The following WDR83OS variants were observed in gnomAD, a reference collection of about 807,000 sequenced individuals.
WDR83OS encodes the protein PAT complex subunit Asterix.
A neutral mutation model predicts 13.7 loss-of-function variants in WDR83OS; 15 were observed. The observed-to-expected ratio is 1.09, with a 90% CI of 0.73 to 1.69. WDR83OS has a LOEUF of 1.69. WDR83OS is among the 40% of genes most tolerant of loss of function. The pLI is 0.00. For missense variants in WDR83OS, 145 were observed against 143.2 expected (o/e 1.01, Z -0.06); for synonymous variants, 68 against 52.9 (o/e 1.29, Z -1.24).
At position 12,668,154 on chromosome 19, in the gene WDR83OS, A is replaced by T; in HGVS notation, c.*205T>A. On this transcript the variant is annotated 3_prime_UTR_variant, in exon 4 of 4. Coordinates refer to ENST00000596731, the MANE Select transcript of WDR83OS (RefSeq NM_016145.4). ...TAGAAACATGGACAGCATCTCCCCC[A>T]GCAGCAGGCAGGGGAAGGGAGGCAG... 2 of 575,162 alleles carry T rather than the reference A, an allele frequency of 3.5e-6. No homozygotes were observed. The highest frequency in any genetic ancestry group is 6.2e-6 in the Non-Finnish European group (2 of 320,478). 35.6% of individuals were successfully genotyped at this position (575,162 alleles called of 1,614,324 possible).
chr19:12,668,126 C>T lies in WDR83OS; in HGVS notation c.*233G>A, dbSNP rs1003915148. ...TTTCAACGAGAAAGCAAATGAATAC[C>T]CCTAGAAACATGGACAGCATCTCCC... On this transcript the variant is annotated 3_prime_UTR_variant, in exon 4 of 4. Coordinates refer to ENST00000596731, the MANE Select transcript of WDR83OS (RefSeq NM_016145.4). The T allele has an allele frequency of 2.1e-5, 11 of 528,526 alleles. No homozygotes were observed. Among genetic ancestry groups the T allele is most frequent in the African/African-American group, 1.7e-4 (9 of 52,128 alleles). The allele number at this position is 528,526 out of a possible 1,614,324, so 32.7% of individuals were successfully genotyped here.
At chr19:12,668,673 G>A (rs1345916563) in intron 2 of WDR83OS, 56 bp from the exon 3 acceptor site, 11 of 1,443,898 alleles carry the variant, frequency 7.6e-6, no homozygotes, top group Non-Finnish European at 1.1e-5. Context: ...ATGAGTCCCC[G>A]AAGCCACCTT....
chr19:12,668,680 C>A lies in WDR83OS; in HGVS notation c.157-63G>T, dbSNP rs960415695. On this transcript the variant is annotated intron_variant, in intron 2 of 3. Transcript: ENST00000596731. ...GCACAACAATGAGTCCCCGAAGCCA[C>A]CTTTCCAGACACCAGATCATGCCCA... The A allele has an allele frequency of 1.3e-5, 17 of 1,358,852 alleles. No homozygotes were observed. In the African/African-American group the frequency reaches 2.0e-4, roughly 16 times the overall value. 84.2% of individuals were successfully genotyped at this position (1,358,852 alleles called of 1,614,324 possible).
chr19:12,668,462 G>A (rs749901261), intron 3 of WDR83OS, 37 bp from the exon 4 acceptor site: 5 of 1,613,336 alleles, frequency 3.1e-6, no homozygotes, highest in South Asian at 1.1e-5. Flanking sequence ...AGGATGGCCA[G>A]GCTGGGGTCC....
At chr19:12,668,479 C>G in intron 3 of WDR83OS, 41 bp downstream of exon 3, 1 of 1,613,466 alleles carries the variant, frequency 6.2e-7, no homozygotes, top group Non-Finnish European at 8.5e-7. Flanking sequence ...GTCCCCCCAC[C>G]CCTTACTCAA....
At chr19:12,668,673 G>T in intron 2 of WDR83OS, 56 bp from the exon 3 acceptor site, 1 of 1,443,900 alleles carries the variant, frequency 6.9e-7, no homozygotes, top group Non-Finnish European at 9.7e-7. Context: ...ATGAGTCCCC[G>T]AAGCCACCTT....
intron 2 of WDR83OS, 92 bp downstream of exon 2, chr19:12,669,036 A>C: frequency 7.6e-7 from 1 of 1,318,510 alleles, no homozygotes; most frequent in South Asian, 1.2e-5. Context: ...CCGCCCCATC[A>C]GCAATGACAA....
chr19:12,668,663 A>G lies in WDR83OS; in HGVS notation c.157-46T>C, dbSNP rs756716574. ...GGGCAGGTTAGTGAAAGGCACAACA[A>G]TGAGTCCCCGAAGCCACCTTTCCAG... On this transcript the variant is annotated intron_variant, in intron 2 of 3. Coordinates refer to ENST00000596731, the MANE Select transcript of WDR83OS (RefSeq NM_016145.4). 8 of 1,528,652 alleles carry G rather than the reference A, an allele frequency of 5.2e-6. No individual in the cohort carries two copies. The Admixed American group carries it at 1.0e-4, about 20-fold the overall frequency. 94.7% of individuals were successfully genotyped at this position (1,528,652 alleles called of 1,614,324 possible). A position where few individuals can be genotyped will look rare whatever the true frequency, so the allele number is the denominator to read the frequency against.
At position 12,668,382 on chromosome 19, in the gene WDR83OS, G is replaced by T. The variant is rs773514362; in HGVS notation, c.298C>A (p.Gln100Lys). ...AVVMSYLQNP[Q>K]PMTPPW ...TATCACCATGGGGGCGTCATGGGCT[G>T]AGGATTCTGCAGATAGGACATCACC... Residue 100 changes from glutamine (Q) to lysine (K), a missense_variant, in exon 4 of 4, where the codon CAG (glutamine) becomes AAG (lysine). Transcript: ENST00000596731. 6.2e-7 allele frequency: 1 copy of T among 1,613,452 alleles called. No homozygotes were observed. The highest frequency in any genetic ancestry group is 8.5e-7 in the Non-Finnish European group (1 of 1,179,762).
Position 12,669,190 on chromosome 19 carries a change from G to A in WDR83OS, c.94C>T (p.Pro32Ser). The A allele has an allele frequency of 1.9e-6, 3 of 1,614,132 alleles. No homozygotes were observed. The highest frequency in any genetic ancestry group is 1.7e-6 in the Non-Finnish European group (2 of 1,180,038). Reference protein sequence around the residue: ...PSECNPALDDPTPDYMNLLGM... With the variant: ...PSECNPALDDSTPDYMNLLGM... ...AGCAGGTTCATGTAGTCCGGCGTCGGGTCGTCCAAGGCCGGGTTACATTCG... is the reference window on the plus strand; with the variant it reads ...AGCAGGTTCATGTAGTCCGGCGTCGAGTCGTCCAAGGCCGGGTTACATTCG... The change falls in exon 2 of 4, where the codon CCG becomes TCG. Residue 32 changes from proline (P) to serine (S), a missense_variant. Coordinates refer to ENST00000596731, the MANE Select transcript of WDR83OS (RefSeq NM_016145.4).
chr19:12,669,074 C>T, intron 2 of WDR83OS, 54 bp downstream of exon 2: 1 of 1,581,726 alleles, frequency 6.3e-7, no homozygotes, highest in Non-Finnish European at 8.7e-7. Context: ...CAAACCCGCC[C>T]CCGGGCCTCG....
intron 2 of WDR83OS, 139 bp from the exon 3 acceptor site, chr19:12,668,756 T>C: frequency 1.4e-6 from 1 of 713,838 alleles, no homozygotes. Flanking sequence ...AATTCCTCAG[T>C]CCCACCTGCT....
Position 12,669,383 on chromosome 19 carries a change from C to A in WDR83OS, c.21G>T (p.Ser7=). 6.2e-7 allele frequency: 1 copy of A among 1,601,158 alleles called. No homozygotes were observed. Among genetic ancestry groups the A allele is most frequent in the Non-Finnish European group, 8.5e-7 (1 of 1,173,386 alleles). The change falls in exon 1 of 4, where the codon TCG becomes TCT. Residue 7 remains serine, a synonymous_variant. Coordinates refer to ENST00000596731, the MANE Select transcript of WDR83OS (RefSeq NM_016145.4). The part of the protein sequence containing the change: MSTNNM[S]DPRRPNKVLR... Reference sequence around the variant, plus strand: ...GCACTTTGTTCGGCCTCCGTGGGTCCGACATATTGTTAGTGGACATAGCGA... The same window carrying A: ...GCACTTTGTTCGGCCTCCGTGGGTCAGACATATTGTTAGTGGACATAGCGA...
chr19:12,669,005 A>T, intron 2 of WDR83OS, 123 bp downstream of exon 2: 1 of 992,194 alleles, frequency 1.0e-6, no homozygotes, highest in South Asian at 1.4e-5. Context: ...TCGCAGCCCC[A>T]CTCCCGGCCG....
At chr19:12,668,676 G>T in intron 2 of WDR83OS, 59 bp from the exon 3 acceptor site, 2 of 1,433,830 alleles carry the variant, frequency 1.4e-6, no homozygotes, top group South Asian at 2.4e-5. Context: ...AGTCCCCGAA[G>T]CCACCTTTCC....
intron 3 of WDR83OS, 39 bp downstream of exon 3, chr19:12,668,481 C>T: frequency 6.2e-7 from 1 of 1,613,556 alleles, no homozygotes; most frequent in Non-Finnish European, 8.5e-7. Flanking sequence ...CCCCCCACCC[C>T]TTACTCAAGA....
Position 12,668,127 on chromosome 19 carries a change from C to A in WDR83OS, c.*232G>T. ...TTCAACGAGAAAGCAAATGAATACC[C>A]CTAGAAACATGGACAGCATCTCCCC... On this transcript the variant is annotated 3_prime_UTR_variant, in exon 4 of 4. Transcript: ENST00000596731. 1.9e-6 allele frequency: 1 copy of A among 533,482 alleles called. No homozygotes were observed. Among genetic ancestry groups the A allele is most frequent in the Non-Finnish European group, 3.4e-6 (1 of 294,844 alleles). The allele number at this position is 533,482 out of a possible 1,614,324, so 33.0% of individuals were successfully genotyped here.
chr19:12,669,322 C>G, intron 1 of WDR83OS, 32 bp downstream of exon 1: 1 of 1,605,622 alleles, frequency 6.2e-7, no homozygotes. Context: ...ACCCACAACC[C>G]GAACCCGTGC....
Position 12,668,183 on chromosome 19 carries a change from G to T in WDR83OS, c.*176C>A. 1.6e-6 allele frequency: 1 copy of T among 612,992 alleles called. No homozygotes were observed. The highest frequency in any genetic ancestry group is 2.9e-6 in the Non-Finnish European group (1 of 349,202). 38.0% of individuals were successfully genotyped at this position (612,992 alleles called of 1,614,324 possible). A position where few individuals can be genotyped will look rare whatever the true frequency, so the allele number is the denominator to read the frequency against. On this transcript the variant is annotated 3_prime_UTR_variant, in exon 4 of 4. Coordinates refer to ENST00000596731, the MANE Select transcript of WDR83OS (RefSeq NM_016145.4). ...GCAGGCAGGGGAAGGGAGGCAGGAGGGGTAAGCCTAGGGTGTTCCCTAGGA... is the reference window on the plus strand; with the variant it reads ...GCAGGCAGGGGAAGGGAGGCAGGAGTGGTAAGCCTAGGGTGTTCCCTAGGA...
Sources: allele counts gnomAD v4.1 joint callset, GRCh38; gene constraint gnomAD v4.1.1; transcripts MANE v1.5; gene names NCBI Gene and HGNC (gene_info 2026-07-23, HGNC 2026-07-21).